NFASC: variants seen among roughly 807,000 people sequenced by gnomAD.
NFASC encodes the protein neurofascin homolog.
A neutral mutation model predicts 147.5 loss-of-function variants in NFASC; 43 were observed. The ratio of observed to expected loss-of-function variants is 0.29; its 90% CI spans 0.23 to 0.38. NFASC has a LOEUF of 0.38. Among genes scored for constraint, NFASC ranks in the 10% least tolerant of loss-of-function variants. The pLI is 1.00. For missense variants in NFASC, 1,320 were observed against 1,689.0 expected (o/e 0.78, Z 3.83); for synonymous variants, 622 against 665.5 (o/e 0.93, Z 1.01).
rs1004272288 is a variant in NFASC, at chr1:204,992,953, C to T, written c.2782+1647C>T. On this transcript the variant is annotated intron_variant, in intron 24 of 29. Transcript: ENST00000339876. ...AGCTCACGGTCTCAATCAAATGTTT[C>T]CTGGGCTCCAGCTTCCGTGTGACAT... is the stretch of plus-strand genomic sequence containing the variant. 7.2e-5 allele frequency among the ~76,000 whole-genome samples: 11 copies of T among 152,362 alleles called. No homozygotes were observed. The East Asian group carries it at 2.1e-3, about 29-fold the overall frequency.
chr1:204,841,033 G>C (rs750087), intron 1 of NFASC, among the ~76,000 whole-genome samples: 1 of 152,086 alleles, frequency 6.6e-6, no homozygotes. Flanking sequence ...AAGTGGCAGG[G>C]CTAAGCTATA....
At chr1:204,926,747 A>G (rs2091674694) in intron 2 of NFASC, among the ~76,000 whole-genome samples, 1 of 151,338 alleles carries the variant, frequency 6.6e-6, no homozygotes, top group South Asian at 2.1e-4. Context: ...CTTTATTGAG[A>G]TACAATTCAT....
intron 1 of NFASC, among the ~76,000 whole-genome samples, chr1:204,903,741 A>G (rs1228230575): frequency 6.6e-6 from 1 of 152,226 alleles, no homozygotes; most frequent in Non-Finnish European, 1.5e-5. Context: ...GACTCATGGC[A>G]TGTTTTAAAA....
chr1:205,002,852 C>T, intron 27 of NFASC, 104 bp downstream of exon 27: 2 of 892,666 alleles, frequency 2.2e-6, no homozygotes, highest in African/African-American at 1.7e-5. Flanking sequence ...ACTCATCCCC[C>T]ACCCCATTTC....
At chr1:204,906,766 T>C (rs1214873457) in intron 1 of NFASC, among the ~76,000 whole-genome samples, 1 of 57,520 alleles carries the variant, frequency 1.7e-5, no homozygotes. Context: ...CACTGCAAGC[T>C]CCGCCTCCCG....
At chr1:204,835,705 C>CA in intron 1 of NFASC, among the ~76,000 whole-genome samples, 1 of 152,166 alleles carries the variant, frequency 6.6e-6, no homozygotes, top group Non-Finnish European at 1.5e-5. Context: ...TATATGGAGA[C>CA]AAAAATCATA....
At chr1:204,944,606 C>T in intron 3 of NFASC, 200 bp downstream of exon 3, 2 of 567,022 alleles carry the variant, frequency 3.5e-6, no homozygotes, top group South Asian at 5.2e-5. Context: ...CTGTATGTTG[C>T]AGAGCCAGTT....
chr1:204,884,024 C>T (rs1023124882), intron 1 of NFASC, among the ~76,000 whole-genome samples: 5 of 152,274 alleles, frequency 3.3e-5, no homozygotes, highest in East Asian at 3.9e-4. Context: ...TTGGTTTTTC[C>T]CTCCCCTGCG....
At chr1:204,852,369 A>G (rs946603643) in intron 1 of NFASC, among the ~76,000 whole-genome samples, 4 of 152,156 alleles carry the variant, frequency 2.6e-5, no homozygotes, top group Non-Finnish European at 4.4e-5. Flanking sequence ...GCGTGGTGGC[A>G]TGTGCCTGTA....
chr1:204,981,321 C>T (rs1227208840), intron 20 of NFASC, among the ~76,000 whole-genome samples: 1 of 152,266 alleles, frequency 6.6e-6, no homozygotes, highest in African/African-American at 2.4e-5. Context: ...GAACTCTGAC[C>T]TCTTGGGAAG....
rs73077313 is a variant in NFASC at position 204,994,151 on chromosome 1, G to A, written c.2782+2845G>A. ...TGGTAACTTCAATGGTGGGAGCCCC[G>A]GGGAGGCTGCCGGAAAGTGACCCCT... On this transcript the variant is annotated intron_variant, in intron 24 of 29. Transcript: ENST00000339876. Among the ~76,000 whole-genome samples, 615 of 152,242 alleles carry A rather than the reference G, an allele frequency of 4.0e-3. 3 individuals are homozygous for A. The highest frequency in any genetic ancestry group is 0.014 in the African/African-American group (584 of 41,550).
At chr1:204,863,557 ACT>A in intron 1 of NFASC, among the ~76,000 whole-genome samples, 2 of 152,094 alleles carry the variant, frequency 1.3e-5, no homozygotes, top group South Asian at 4.2e-4. Flanking sequence ...CCAGACAGAA[ACT>A]CTGTAACCAG....
Position 205,016,801 on chromosome 1 carries a change from G to T in NFASC, c.*262G>T, listed in dbSNP as rs1574573486. 1.1e-5 allele frequency: 6 copies of T among 543,416 alleles called. No individual in the cohort carries two copies. The East Asian group carries it at 2.1e-4, about 19-fold the overall frequency. The allele number at this position is 543,416 out of a possible 1,614,324, so 33.7% of individuals were successfully genotyped here. On this transcript the variant is annotated 3_prime_UTR_variant, in exon 30 of 30. Coordinates refer to ENST00000339876, the MANE Select transcript of NFASC (RefSeq NM_001005388.3). This position sits in a 1 kb window ranked among gnomAD's most constrained non-coding sequence, Gnocchi z 5.1. ...TCAGCTGGAGGGAGCCTGGCCCCTTGCCCGGTCTCGCAGCCACCCCGAGCG... is the reference window on the plus strand; with the variant it reads ...TCAGCTGGAGGGAGCCTGGCCCCTTTCCCGGTCTCGCAGCCACCCCGAGCG...
At chr1:204,890,803 C>T (rs1055243613) in intron 1 of NFASC, among the ~76,000 whole-genome samples, 6 of 151,974 alleles carry the variant, frequency 3.9e-5, no homozygotes, top group African/African-American at 7.2e-5. Context: ...CTTCTGACCT[C>T]GGGTGATCCA....
chr1:204,877,058 AT>A (rs1248089905), intron 1 of NFASC, among the ~76,000 whole-genome samples: 3 of 96,664 alleles, frequency 3.1e-5, no homozygotes, highest in East Asian at 1.4e-3. Context: ...TAATATATTT[AT>A]TTATATATTT....
At chr1:204,972,138 T>C (rs1164019655) in intron 11 of NFASC, among the ~76,000 whole-genome samples, 1 of 152,188 alleles carries the variant, frequency 6.6e-6, no homozygotes, top group East Asian at 1.9e-4. Flanking sequence ...CATCTGCTGA[T>C]TCCCCGGTTC....
intron 8 of NFASC, among the ~76,000 whole-genome samples, chr1:204,960,746 C>T (rs1324643840): frequency 2.0e-5 from 3 of 152,198 alleles, no homozygotes; most frequent in Non-Finnish European, 2.9e-5. Context: ...TGCCCTTGGG[C>T]CACCCCATCT....
intron 27 of NFASC, among the ~76,000 whole-genome samples, chr1:205,004,832 C>A (rs1358327996): frequency 6.6e-6 from 1 of 152,228 alleles, no homozygotes; most frequent in Non-Finnish European, 1.5e-5. Flanking sequence ...TGAAGGAAAC[C>A]ACTGGGAAGG....
intron 1 of NFASC, among the ~76,000 whole-genome samples, chr1:204,835,605 A>G (rs16854485): frequency 0.039 from 5,949 of 152,178 alleles, 316 homozygotes; most frequent in African/African-American, 0.12. Context: ...AAGCAGGACT[A>G]TGTAGAGGAT....
Sources: gnomAD v4.1 joint callset for allele counts (sites outside exome capture counted in the v4.1 genomes callset) on GRCh38, gnomAD v4.1.1 for gene constraint, Gnocchi (gnomAD v3.1) non-coding constraint, MANE v1.5 for transcripts, NCBI Gene and HGNC (gene_info 2026-07-23, HGNC 2026-07-21) for gene names.